PDZD2: variants seen among roughly 807,000 people sequenced by gnomAD.
The protein encoded by PDZD2 is PDZ domain-containing protein 2.
Under a neutral mutation model 220.7 loss-of-function variants are expected in PDZD2, and 90 were observed. The ratio of observed to expected loss-of-function variants is 0.41; its 90% CI spans 0.34 to 0.49. PDZD2 has a LOEUF of 0.49. PDZD2 is among the 20% of genes least tolerant of loss of function. The pLI is 0.28. For synonymous variants in PDZD2, 1,375 were observed against 1,450.5 expected, an observed-to-expected ratio of 0.95 and a Z score of 1.18; for missense variants, 3,174 against 3,608.5, an observed-to-expected ratio of 0.88 and a Z score of 3.08.
intron 2 of PDZD2, among the ~76,000 whole-genome samples, chr5:31,833,310 A>C (rs1756730181): frequency 6.6e-6 from 1 of 152,170 alleles, no homozygotes; most frequent in African/African-American, 2.4e-5. Context: ...TCTACAAAAA[A>C]TACAAAAATT....
At chr5:31,975,608 C>G (rs901257813) in intron 2 of PDZD2, among the ~76,000 whole-genome samples, 4 of 152,126 alleles carry the variant, frequency 2.6e-5, no homozygotes, top group Non-Finnish European at 5.9e-5. Context: ...CTTCCTCAGT[C>G]TCTTCCTTCA....
At chr5:32,027,153 C>T (rs931116313) in intron 6 of PDZD2, among the ~76,000 whole-genome samples, 2 of 152,168 alleles carry the variant, frequency 1.3e-5, no homozygotes, top group Non-Finnish European at 2.9e-5. Flanking sequence ...CTCCACCCGC[C>T]TCGGCCTCCC....
intron 2 of PDZD2, among the ~76,000 whole-genome samples, chr5:31,927,335 T>G (rs1744881427): frequency 6.6e-6 from 1 of 151,964 alleles, no homozygotes; most frequent in Non-Finnish European, 1.5e-5. Flanking sequence ...TGTGTCTGAT[T>G]GTTTGGTAGT....
chr5:32,101,076 T>A (rs1370341393), intron 23 of PDZD2, 29 bp from the exon 24 acceptor site: 1 of 1,613,860 alleles, frequency 6.2e-7, no homozygotes, highest in African/African-American at 1.3e-5. Context: ...ACCCTGTCAT[T>A]TTCATCTTGG....
At chr5:31,734,167 T>G (rs1398779736) in intron 1 of PDZD2, among the ~76,000 whole-genome samples, 3 of 152,014 alleles carry the variant, frequency 2.0e-5, no homozygotes, top group Non-Finnish European at 4.4e-5. Flanking sequence ...AGGATACAGA[T>G]GAACAGCCAG....
In PDZD2 at chr5:31,868,447, A is replaced by G. The variant is rs141463821; in HGVS notation, c.476+68723A>G. 5.0e-3 allele frequency among the ~76,000 whole-genome samples: 758 copies of G among 152,222 alleles called. 5 individuals are homozygous for G. The highest frequency in any genetic ancestry group is 0.017 in the African/African-American group (688 of 41,552). ...GACGACAGAGCGAGACTCCATCTCA[A>G]AATAAATAAATAAATGCAGCTGTCC... On this transcript the variant is annotated intron_variant, in intron 2 of 24. Transcript: ENST00000438447.
Position 32,013,584 on chromosome 5 carries a change from G to A in PDZD2, c.1407+3102G>A, listed in dbSNP as rs961881517. 3.3e-5 allele frequency among the ~76,000 whole-genome samples: 5 copies of A among 152,124 alleles called. No homozygotes were observed. In the East Asian group the frequency reaches 9.6e-4, roughly 29 times the overall value. On this transcript the variant is annotated intron_variant, in intron 6 of 24. Transcript: ENST00000438447. Reference sequence around the variant, plus strand: ...TTGGGAAGCTTTGTGTTGCCTTTAAGGGGAAGCTAAGCCTCTCGGCAGTAT... The same window carrying A: ...TTGGGAAGCTTTGTGTTGCCTTTAAAGGGAAGCTAAGCCTCTCGGCAGTAT...
At chr5:31,685,518 T>C (rs1746819996) in intron 1 of PDZD2, among the ~76,000 whole-genome samples, 2 of 152,038 alleles carry the variant, frequency 1.3e-5, no homozygotes, top group South Asian at 4.2e-4. Context: ...ACCCTTCGCA[T>C]TTATTTTATT....
intron 2 of PDZD2, among the ~76,000 whole-genome samples, chr5:31,933,164 G>C (rs1465508772): frequency 6.6e-6 from 1 of 152,110 alleles, no homozygotes; most frequent in Non-Finnish European, 1.5e-5. Flanking sequence ...ACCCACCTCG[G>C]TCTCCCAAAG....
At chr5:31,703,587 C>T (rs139655670) in intron 1 of PDZD2, among the ~76,000 whole-genome samples, 1,905 of 152,016 alleles carry the variant, frequency 0.013, 47 homozygotes, top group African/African-American at 0.043. Flanking sequence ...ACATGCATGC[C>T]GATGTAATAA....
intron 6 of PDZD2, among the ~76,000 whole-genome samples, chr5:32,028,973 G>A (rs1334766997): frequency 1.3e-5 from 2 of 152,060 alleles, no homozygotes; most frequent in Non-Finnish European, 2.9e-5. Context: ...GTGAGTCACC[G>A]CGCCCAGCCA....
At position 31,798,984 on chromosome 5, in the gene PDZD2, C is replaced by A; in HGVS notation, c.-265C>A. 1 of 491,422 alleles carries A rather than the reference C, an allele frequency of 2.0e-6. No individual in the cohort carries two copies. Among genetic ancestry groups the A allele is most frequent in the Non-Finnish European group, 3.6e-6 (1 of 276,336 alleles). The allele number at this position is 491,422 out of a possible 1,614,324, so 30.4% of individuals were successfully genotyped here. A position where few individuals can be genotyped will look rare whatever the true frequency, so the allele number is the denominator to read the frequency against. On this transcript the variant is annotated 5_prime_UTR_variant, in exon 2 of 25. Transcript: ENST00000438447. ...GGGTCCTGCTGTGAAATGAACCTGGCAGGGACTTGTTAGACACTTCCTTCC... is the reference window on the plus strand; with the variant it reads ...GGGTCCTGCTGTGAAATGAACCTGGAAGGGACTTGTTAGACACTTCCTTCC...
intron 2 of PDZD2, among the ~76,000 whole-genome samples, chr5:31,861,541 T>C (rs963586962): frequency 6.6e-6 from 1 of 152,204 alleles, no homozygotes; most frequent in African/African-American, 2.4e-5. Flanking sequence ...TTGAGACATT[T>C]GGGGAAAAGG....
At chr5:32,095,738 CCTTT>C (rs1202703648) in intron 21 of PDZD2, among the ~76,000 whole-genome samples, 2 of 136,654 alleles carry the variant, frequency 1.5e-5, no homozygotes, top group Non-Finnish European at 3.3e-5. Context: ...TTTTCCTTCT[CCTTT>C]TTTTTTTTCT....
At chr5:31,996,623 G>A (rs952555459) in intron 4 of PDZD2, among the ~76,000 whole-genome samples, 7 of 152,064 alleles carry the variant, frequency 4.6e-5, no homozygotes, top group Non-Finnish European at 1.0e-4. Context: ...CACGAGAATG[G>A]GTTGAACCTA....
chr5:32,032,806 G>A (rs1202414034), intron 6 of PDZD2, among the ~76,000 whole-genome samples: 1 of 152,156 alleles, frequency 6.6e-6, no homozygotes, highest in African/African-American at 2.4e-5. Flanking sequence ...GTTGACTGAC[G>A]TGCCTAAACT....
chr5:31,675,365 T>C (rs1746367796), intron 1 of PDZD2, among the ~76,000 whole-genome samples: 1 of 152,102 alleles, frequency 6.6e-6, no homozygotes, highest in African/African-American at 2.4e-5. Context: ...GTGCTGGCCA[T>C]GCCCACCAGC....
At chr5:31,713,521 A>G (rs553082084) in intron 1 of PDZD2, among the ~76,000 whole-genome samples, 2 of 152,256 alleles carry the variant, frequency 1.3e-5, no homozygotes, top group South Asian at 4.1e-4. Context: ...TCTGATCCCT[A>G]ACGTTGGGCC....
chr5:31,968,026 G>A (rs151103367), intron 2 of PDZD2, among the ~76,000 whole-genome samples: 180 of 152,314 alleles, frequency 1.2e-3, no homozygotes, highest in African/African-American at 4.2e-3. Flanking sequence ...TCTCCACCCG[G>A]AATCGACATA....
Sources: allele counts gnomAD v4.1 joint callset (sites outside exome capture counted in the v4.1 genomes callset), GRCh38; gene constraint gnomAD v4.1.1; transcripts MANE v1.5; gene names NCBI Gene and HGNC (gene_info 2026-07-23, HGNC 2026-07-21).